FCHO2: variants seen among roughly 807,000 people sequenced by gnomAD.
FCHO2 encodes the protein FCH and mu domain containing endocytic adaptor 2, also known as F-BAR domain only protein 2.
In FCHO2, 43 loss-of-function variants were observed where a neutral mutation model predicts 114.1. The observed-to-expected ratio is 0.38, with a 90% CI of 0.30 to 0.49. The LOEUF (loss-of-function observed/expected upper bound fraction) is 0.49, where lower values mean the gene tolerates loss of function less well. FCHO2 is among the 20% of genes least tolerant of loss of function. FCHO2 has a pLI of 0.97. For missense variants in FCHO2, 807 were observed against 950.4 expected, an observed-to-expected ratio of 0.85 and a Z score of 1.98; for synonymous variants, 293 against 315.2, an observed-to-expected ratio of 0.93 and a Z score of 0.75.
chr5:73,069,534 C>T (rs1159124416), intron 19 of FCHO2, among the ~76,000 whole-genome samples: 1 of 151,990 alleles, frequency 6.6e-6, no homozygotes, highest in African/African-American at 2.4e-5. Context: ...ATGCACAGTT[C>T]ACAATAGGGT....
chr5:73,077,290 A>C, intron 20 of FCHO2, 48 bp from the exon 21 acceptor site: 5 of 1,511,896 alleles, frequency 3.3e-6, no homozygotes, highest in Non-Finnish European at 4.4e-6. Context: ...TACTTTAAAT[A>C]GAGATTAGAG....
intron 24 of FCHO2, among the ~76,000 whole-genome samples, chr5:73,086,513 A>G (rs1436703639): frequency 6.6e-6 from 1 of 152,186 alleles, no homozygotes; most frequent in African/African-American, 2.4e-5. Flanking sequence ...GAACCCTCCT[A>G]GACTCCTCCT....
intron 6 of FCHO2, among the ~76,000 whole-genome samples, chr5:73,008,036 C>G (rs1200260323): frequency 6.6e-6 from 1 of 152,114 alleles, no homozygotes; most frequent in Non-Finnish European, 1.5e-5. Context: ...AAAATGCTTA[C>G]TAAACCTGAG....
intron 24 of FCHO2, among the ~76,000 whole-genome samples, chr5:73,084,324 G>A (rs549434221): frequency 1.3e-5 from 2 of 152,082 alleles, no homozygotes; most frequent in Admixed American, 1.3e-4. Flanking sequence ...GGAGTGCAGC[G>A]GCATGATCTT....
At position 73,006,507 on chromosome 5, in the gene FCHO2, A is replaced by G; in HGVS notation, c.558A>G (p.Leu186=). ...TYKLYVEKYA[L]AKADFEQKMT... ...AACTCTATGTGGAAAAATATGCATT[A>G]GCAAAAGCTGATTTCGAACAGAAAA... The change falls in exon 6 of 26, where the codon TTA becomes TTG. Residue 186 remains leucine, a synonymous_variant. Coordinates refer to ENST00000430046, the MANE Select transcript of FCHO2 (RefSeq NM_138782.3). 1 of 1,577,680 alleles carries G rather than the reference A, an allele frequency of 6.3e-7. No individual in the cohort carries two copies. The highest frequency in any genetic ancestry group is 1.4e-5 in the African/African-American group (1 of 73,424).
chr5:72,959,767 CTT>C (rs1212659060), intron 1 of FCHO2, among the ~76,000 whole-genome samples: 1 of 151,364 alleles, frequency 6.6e-6, no homozygotes, highest in East Asian at 1.9e-4. Flanking sequence ...TCTTCTCTCT[CTT>C]CTCTTCTTTC....
intron 14 of FCHO2, 109 bp downstream of exon 14, chr5:73,054,280 G>A: frequency 2.0e-6 from 2 of 1,022,482 alleles, no homozygotes; most frequent in South Asian, 1.7e-5. Context: ...GCAAGTTTTA[G>A]TGTTTTGTTG....
chr5:73,015,126 A>G (rs1031227009), intron 6 of FCHO2, among the ~76,000 whole-genome samples: 4 of 150,766 alleles, frequency 2.7e-5, no homozygotes, highest in Non-Finnish European at 1.5e-5. Flanking sequence ...GTTTGTATTT[A>G]CCTAAGAAAT....
At chr5:73,025,035 A>T (rs181099364) in intron 8 of FCHO2, among the ~76,000 whole-genome samples, 2 of 152,198 alleles carry the variant, frequency 1.3e-5, no homozygotes, top group Admixed American at 6.5e-5. Context: ...GAGTCACTAA[A>T]CCCAGAATTA....
intron 11 of FCHO2, among the ~76,000 whole-genome samples, chr5:73,048,843 A>G (rs115640360): frequency 7.1e-6 from 1 of 140,424 alleles, no homozygotes; most frequent in South Asian, 2.3e-4. Context: ...CTAACAGAGT[A>G]TATTTTCAAG....
chr5:72,989,482 A>G lies in FCHO2; in HGVS notation c.181A>G (p.Ser61Gly), dbSNP rs1213839779. ...AATGACAAAACTAGCAAAATCTGCA[A>G]GCAATTATTCACAACTTGGGTGAGT... ...RSMTKLAKSA[S>G]NYSQLGTFAP... Residue 61 changes from serine (S) to glycine (G), a missense_variant, in exon 3 of 26, where the codon AGC becomes GGC. Coordinates refer to ENST00000430046, the MANE Select transcript of FCHO2 (RefSeq NM_138782.3). 3.1e-6 allele frequency: 5 copies of G among 1,604,960 alleles called. No homozygotes were observed. The highest frequency in any genetic ancestry group is 4.3e-6 in the Non-Finnish European group (5 of 1,175,328).
At chr5:72,999,378 C>CT (rs762347449) in intron 5 of FCHO2, among the ~76,000 whole-genome samples, 1,351 of 100,442 alleles carry the variant, frequency 0.013, 31 homozygotes, top group African/African-American at 0.023. Flanking sequence ...ATTCACAGGC[C>CT]TTTTTTTTTT....
intron 2 of FCHO2, among the ~76,000 whole-genome samples, chr5:72,985,146 A>G (rs939563277): frequency 6.6e-6 from 1 of 151,860 alleles, no homozygotes; most frequent in South Asian, 2.1e-4. Flanking sequence ...ATCTAGCAGC[A>G]TGATCAAATT....
chr5:73,050,443 A>G (rs1757291140), intron 11 of FCHO2, among the ~76,000 whole-genome samples: 1 of 151,852 alleles, frequency 6.6e-6, no homozygotes, highest in Admixed American at 6.6e-5. Flanking sequence ...CTCAGCCTCC[A>G]GAGTAACTGG....
intron 5 of FCHO2, among the ~76,000 whole-genome samples, chr5:72,997,918 C>G (rs965363910): frequency 6.6e-6 from 1 of 152,132 alleles, no homozygotes; most frequent in Non-Finnish European, 1.5e-5. Flanking sequence ...AGAACTAAAA[C>G]AGTGTTTGTG....
At position 73,087,686 on chromosome 5, in the gene FCHO2, A is replaced by C. The variant is rs1743356310; in HGVS notation, c.2343A>C (p.Ser781=). Residue 781 remains serine, a synonymous_variant, in exon 25 of 26, where the codon TCA becomes TCC. Coordinates refer to ENST00000430046, the MANE Select transcript of FCHO2 (RefSeq NM_138782.3). ...TCCTCAGCGAGGGAAGTACCCTTTC[A>C]GGAGTAGATTTCGAACTTGTGGGCA... ...VQFLSEGSTL[S]GVDFELVGTG... is the part of the protein sequence containing the mutation. 1 of 1,613,534 alleles carries C rather than the reference A, an allele frequency of 6.2e-7. No individual in the cohort carries two copies. Among genetic ancestry groups the C allele is most frequent in the Non-Finnish European group, 8.5e-7 (1 of 1,179,674 alleles).
intron 17 of FCHO2, 54 bp downstream of exon 17, chr5:73,058,578 C>A: frequency 1.3e-6 from 1 of 782,494 alleles, no homozygotes; most frequent in Non-Finnish European, 1.9e-6. Context: ...ACTTTAGTTG[C>A]TTTTTCTCAT....
chr5:73,011,509 C>T (rs547876743), intron 6 of FCHO2, among the ~76,000 whole-genome samples: 12 of 151,870 alleles, frequency 7.9e-5, no homozygotes, highest in Non-Finnish European at 1.2e-4. Context: ...AAGACACAAA[C>T]GCACACAGTA....
chr5:73,053,197 G>A (rs372165091), intron 13 of FCHO2, among the ~76,000 whole-genome samples: 6 of 152,066 alleles, frequency 3.9e-5, no homozygotes, highest in Non-Finnish European at 5.9e-5. Flanking sequence ...GGTTCTCACC[G>A]TTTCATATTG....
Sources: allele counts gnomAD v4.1 joint callset (sites outside exome capture counted in the v4.1 genomes callset), GRCh38; gene constraint gnomAD v4.1.1; transcripts MANE v1.5; gene names NCBI Gene and HGNC (gene_info 2026-07-23, HGNC 2026-07-21).